ETV6: variants seen among roughly 807,000 people sequenced by gnomAD.
ETV6 encodes the protein ETS variant transcription factor 6, also known as transcription factor ETV6.
ETV6 carries 16 observed loss-of-function variants against 51.1 expected under a neutral mutation model. The observed-to-expected ratio is 0.31, with a 90% confidence interval of 0.21 to 0.48. The LOEUF is 0.48. Ranked by LOEUF, ETV6 falls within the 20% of genes least tolerant of loss-of-function variation. The probability of loss-of-function intolerance (pLI) is 0.99; values close to 1 mark genes in which losing one functional copy is unlikely to be tolerated. For missense variants in ETV6, 458 were observed against 594.8 expected (o/e 0.77, Z 2.39); for synonymous variants, 240 against 224.1 (o/e 1.07, Z -0.64).
At chr12:11,667,757 T>C (rs944830589) in intron 1 of ETV6, among the ~76,000 whole-genome samples, 4 of 139,662 alleles carry the variant, frequency 2.9e-5, no homozygotes, top group Non-Finnish European at 4.5e-5. Context: ...GGCTGGAGTG[T>C]AGTGGCATGG....
intron 3 of ETV6, among the ~76,000 whole-genome samples, chr12:11,842,232 C>A (rs1470479475): frequency 6.6e-6 from 1 of 152,170 alleles, no homozygotes; most frequent in East Asian, 1.9e-4. Flanking sequence ...ATTGCCTCCT[C>A]ACATTTCAAA....
intron 2 of ETV6, among the ~76,000 whole-genome samples, chr12:11,799,528 A>G (rs1178827245): frequency 6.6e-6 from 1 of 152,160 alleles, no homozygotes; most frequent in African/African-American, 2.4e-5. Flanking sequence ...TGGCTCTTTG[A>G]CATACCTTCA....
In ETV6 at chr12:11,893,795, TA is replaced by T. The variant is rs1340968666; in HGVS notation, c.*2750del. 5.9e-3 allele frequency: 26 copies of T among 4,374 alleles called. 2 individuals are homozygous for T. The highest frequency in any genetic ancestry group is 0.052 in the South Asian group (8 of 154). 0.3% of individuals were successfully genotyped at this position (4,374 alleles called of 1,614,324 possible). A position where few individuals can be genotyped will look rare whatever the true frequency, so the allele number is the denominator to read the frequency against. On this transcript the variant is annotated 3_prime_UTR_variant, in exon 8 of 8. Coordinates refer to ENST00000396373, the MANE Select transcript of ETV6 (RefSeq NM_001987.5). ...TGTCCATCCCCAAGATCTCTCATTT[TA>T]TATATATATATATATATATATATAT...
At chr12:11,754,419 C>A (rs1396816904) in intron 2 of ETV6, among the ~76,000 whole-genome samples, 1 of 152,220 alleles carries the variant, frequency 6.6e-6, no homozygotes, top group Admixed American at 6.5e-5. Flanking sequence ...GCTCCTGGTT[C>A]ACTTCTGGAT....
intron 3 of ETV6, among the ~76,000 whole-genome samples, chr12:11,846,046 C>T (rs1946458009): frequency 6.6e-6 from 1 of 151,450 alleles, no homozygotes; most frequent in African/African-American, 2.4e-5. Flanking sequence ...GAAAACCAAG[C>T]AGTCCCATTA....
chr12:11,862,845 A>AT (rs1946735989), intron 4 of ETV6, among the ~76,000 whole-genome samples: 1 of 152,228 alleles, frequency 6.6e-6, no homozygotes, highest in Non-Finnish European at 1.5e-5. Context: ...CGGGAGTGGT[A>AT]TATGAAATAT....
intron 2 of ETV6, among the ~76,000 whole-genome samples, chr12:11,819,281 G>A (rs1450102820): frequency 6.6e-6 from 1 of 152,082 alleles, no homozygotes; most frequent in Non-Finnish European, 1.5e-5. Flanking sequence ...GCCATCTGCT[G>A]CCCGAAACTC....
chr12:11,865,596 A>T (rs1440959360), intron 4 of ETV6, among the ~76,000 whole-genome samples: 1 of 148,394 alleles, frequency 6.7e-6, no homozygotes, highest in Non-Finnish European at 1.5e-5. Flanking sequence ...TATATTATAT[A>T]TATTAGCGTA....
At chr12:11,689,864 CTCCAGGGCATACGG>C (rs545372293) in intron 1 of ETV6, among the ~76,000 whole-genome samples, 70 of 141,532 alleles carry the variant, frequency 4.9e-4, no homozygotes, top group African/African-American at 1.8e-3. Flanking sequence ...CGCACACTCT[CTCCAGGGCATACGG>C]TCCAGACCCT....
chr12:11,741,706 T>C lies in ETV6; in HGVS notation c.34-10744T>C, dbSNP rs529746083. ...TATTACACAAATAATCTCTATTTTA[T>C]GGTTAAAGGTAGGACAGTGATAATT... On this transcript the variant is annotated intron_variant, in intron 1 of 7. Coordinates refer to ENST00000396373, the MANE Select transcript of ETV6 (RefSeq NM_001987.5). Among the ~76,000 whole-genome samples, 4 of 152,372 alleles carry C rather than the reference T, an allele frequency of 2.6e-5. No homozygotes were observed. The South Asian group carries it at 8.3e-4, about 32-fold the overall frequency.
chr12:11,777,498 C>T (rs1331488349), intron 2 of ETV6, among the ~76,000 whole-genome samples: 1 of 151,244 alleles, frequency 6.6e-6, no homozygotes, highest in Non-Finnish European at 1.5e-5. Flanking sequence ...TTCTGTCCAT[C>T]AGGGCGTAGT....
intron 1 of ETV6, among the ~76,000 whole-genome samples, chr12:11,664,586 C>T (rs1864160637): frequency 6.6e-6 from 1 of 152,152 alleles, no homozygotes; most frequent in Admixed American, 6.5e-5. Context: ...CCAGCACTGC[C>T]ACAAAAGCCA....
chr12:11,766,404 G>A lies in ETV6; in HGVS notation c.163+13825G>A, dbSNP rs149285398. The stretch of plus-strand genomic sequence containing the variant: ...TCACTTCAAAACAGCTATTGAGAGT[G>A]CAGGCAAAGCCCTATTATACTCCCT... On this transcript the variant is annotated intron_variant, in intron 2 of 7. Transcript: ENST00000396373. Among the ~76,000 whole-genome samples, 592 of 152,270 alleles carry A rather than the reference G, an allele frequency of 3.9e-3. 5 individuals carry two copies. The highest frequency in any genetic ancestry group is 0.014 in the African/African-American group (567 of 41,532).
In ETV6 at chr12:11,653,751, G is replaced by T. The variant is rs1863949124; in HGVS notation, c.33+3591G>T. Among the ~76,000 whole-genome samples, 4 of 152,230 alleles carry T rather than the reference G, an allele frequency of 2.6e-5. No homozygotes were observed. In the South Asian group the frequency reaches 8.3e-4, roughly 32 times the overall value. ...AGGGCCCACTACAGCCTTAGAGAGG[G>T]CTAGAGCACTCCTGGGGGGTCTGTC... On this transcript the variant is annotated intron_variant, in intron 1 of 7. Coordinates refer to ENST00000396373, the MANE Select transcript of ETV6 (RefSeq NM_001987.5).
chr12:11,746,675 T>G (rs1865914507), intron 1 of ETV6, among the ~76,000 whole-genome samples: 1 of 152,126 alleles, frequency 6.6e-6, no homozygotes, highest in African/African-American at 2.4e-5. Flanking sequence ...CCTAGCCTCA[T>G]AGTTGACCCT....
intron 1 of ETV6, among the ~76,000 whole-genome samples, chr12:11,653,952 A>G (rs1734073212): frequency 6.6e-6 from 1 of 151,916 alleles, no homozygotes; most frequent in African/African-American, 2.4e-5. Context: ...AGTTGGGATT[A>G]CAGGTGCCCG....
At chr12:11,673,125 G>A (rs11054412) in intron 1 of ETV6, among the ~76,000 whole-genome samples, 2 of 152,174 alleles carry the variant, frequency 1.3e-5, no homozygotes, top group African/African-American at 2.4e-5. Flanking sequence ...CAGGGCTCTC[G>A]CAGCGGGCCA....
At chr12:11,744,695 G>A (rs2121034631) in intron 1 of ETV6, among the ~76,000 whole-genome samples, 1 of 152,308 alleles carries the variant, frequency 6.6e-6, no homozygotes, top group African/African-American at 2.4e-5. Flanking sequence ...GGGATTAGAG[G>A]TATAGCCTGG....
At chr12:11,876,547 G>A (rs955438059) in intron 5 of ETV6, among the ~76,000 whole-genome samples, 3 of 152,198 alleles carry the variant, frequency 2.0e-5, no homozygotes, top group African/African-American at 7.2e-5. Context: ...CTGTCTGCCT[G>A]TCTCTTCCTT....
Sources: allele counts gnomAD v4.1 joint callset (sites outside exome capture counted in the v4.1 genomes callset), GRCh38; gene constraint gnomAD v4.1.1; transcripts MANE v1.5; gene names NCBI Gene and HGNC (gene_info 2026-07-23, HGNC 2026-07-21).